Variants in MAST4 observed in about 807,000 individuals in gnomAD.
MAST4 encodes microtubule-associated serine/threonine-protein kinase 4.
In MAST4, 89 loss-of-function variants were observed where a neutral mutation model predicts 162.7. The observed-to-expected ratio is 0.55, with a 90% CI of 0.46 to 0.65. MAST4 has a LOEUF of 0.65. Ranked by LOEUF, MAST4 falls within the 30% of genes least tolerant of loss-of-function variation. MAST4 has a pLI of 0.00. For missense variants in MAST4, 3,153 were observed against 3,374.0 expected (o/e 0.93, Z 1.62); for synonymous variants, 1,479 against 1,361.1 (o/e 1.09, Z -1.91).
intron 3 of MAST4, among the ~76,000 whole-genome samples, chr5:66,866,774 C>G (rs539054539): frequency 6.6e-6 from 1 of 152,114 alleles, no homozygotes; most frequent in Non-Finnish European, 1.5e-5. Context: ...CTTTTGAGCC[C>G]GGGTCTCGCC....
chr5:67,054,321 T>G, intron 4 of MAST4, 83 bp from the exon 5 acceptor site: 1 of 1,144,770 alleles, frequency 8.7e-7, no homozygotes, highest in Non-Finnish European at 1.2e-6. Context: ...TTGCTCAACC[T>G]GGTCCATGTC....
At chr5:66,772,150 T>A (rs990795290) in intron 2 of MAST4, among the ~76,000 whole-genome samples, 2 of 152,114 alleles carry the variant, frequency 1.3e-5, no homozygotes, top group African/African-American at 4.8e-5. Flanking sequence ...AACTAGGAAA[T>A]CTCACACTTC....
intron 4 of MAST4, among the ~76,000 whole-genome samples, chr5:66,900,673 A>G (rs1762953040): frequency 6.6e-6 from 1 of 152,030 alleles, no homozygotes; most frequent in African/African-American, 2.4e-5. Context: ...TTTACATTTG[A>G]TGTCTGATTT....
intron 21 of MAST4, 65 bp downstream of exon 21, chr5:67,142,598 A>G: frequency 9.5e-7 from 1 of 1,055,648 alleles, no homozygotes; most frequent in South Asian, 1.4e-5. Flanking sequence ...GCCAGATAGT[A>G]TCCCCGAACA....
At chr5:66,621,807 A>T (rs899225813) in intron 1 of MAST4, among the ~76,000 whole-genome samples, 2 of 152,176 alleles carry the variant, frequency 1.3e-5, no homozygotes, top group Admixed American at 1.3e-4. Context: ...CATGGAGGGG[A>T]GGCAGATAAT....
At chr5:66,804,336 G>A (rs912034408) in intron 3 of MAST4, among the ~76,000 whole-genome samples, 4 of 152,192 alleles carry the variant, frequency 2.6e-5, no homozygotes, top group African/African-American at 4.8e-5. Context: ...CTGTGGGTCT[G>A]TGTGTTGGTT....
chr5:67,163,340 G>T lies in MAST4; in HGVS notation c.4161G>T (p.Pro1387=). The stretch of plus-strand genomic sequence containing the variant: ...TGGCCCGGACGCCCTCTCCAACCCC[G>T]CAACCCACCTCCCCGCAGCGGTCAC... ...SPLARTPSPT[P]QPTSPQRSPS... is the part of the protein sequence containing the mutation. The change falls in exon 29 of 29, where the codon CCG becomes CCT. Residue 1387 remains proline, a synonymous_variant. Transcript: ENST00000403625. The surrounding 1 kb of genome is among the most constrained non-coding windows in gnomAD (Gnocchi z 7.0). 1 of 1,612,532 alleles carries T rather than the reference G, an allele frequency of 6.2e-7. No individual in the cohort carries two copies.
At chr5:66,739,157 G>A (rs1173299622) in intron 1 of MAST4, among the ~76,000 whole-genome samples, 1 of 152,108 alleles carries the variant, frequency 6.6e-6, no homozygotes, top group African/African-American at 2.4e-5. Context: ...TGAATTTCCT[G>A]CTTTTTCCTA....
intron 5 of MAST4, among the ~76,000 whole-genome samples, chr5:67,063,124 C>T (rs1363046092): frequency 2.6e-5 from 4 of 151,910 alleles, no homozygotes; most frequent in Admixed American, 6.5e-5. Context: ...CTCTGCATTA[C>T]GGAGAATACC....
chr5:66,684,348 C>A lies in MAST4; in HGVS notation c.364-75361C>A, dbSNP rs1462268826. 1.6e-4 allele frequency among the ~76,000 whole-genome samples: 9 copies of A among 56,206 alleles called. No homozygotes were observed. The African/African-American group carries it at 1.8e-3, about 11-fold the overall frequency. 36.9% of individuals were successfully genotyped at this position (56,206 alleles called of 152,430 possible). On this transcript the variant is annotated intron_variant, in intron 1 of 28. Coordinates refer to ENST00000403625, the MANE Select transcript of MAST4 (RefSeq NM_001164664.2). ...GGAGGGAAAATGTAGTGCTTCTTTT[C>A]TTCCAGCTATTTTTTTTTCTCTTTT... is the stretch of plus-strand genomic sequence containing the variant.
At chr5:66,921,212 C>G (rs1764511315) in intron 4 of MAST4, among the ~76,000 whole-genome samples, 1 of 152,116 alleles carries the variant, frequency 6.6e-6, no homozygotes, top group African/African-American at 2.4e-5. Context: ...GTTAGAGCCC[C>G]TAAGTCTGAC....
chr5:67,126,316 G>T (rs1025116074), intron 14 of MAST4, among the ~76,000 whole-genome samples: 1 of 152,096 alleles, frequency 6.6e-6, no homozygotes, highest in Non-Finnish European at 1.5e-5. Context: ...TGAAGTCTTT[G>T]CCCATGCCTA....
At chr5:66,689,884 C>T (rs1427210657) in intron 1 of MAST4, among the ~76,000 whole-genome samples, 1 of 152,184 alleles carries the variant, frequency 6.6e-6, no homozygotes, top group Non-Finnish European at 1.5e-5. Flanking sequence ...GAGTATCCTA[C>T]TAAGCCTACT....
intron 4 of MAST4, chr5:66,931,098 A>G (rs1742145988): frequency 5.2e-6 from 1 of 193,190 alleles, no homozygotes; most frequent in Admixed American, 5.7e-5. Flanking sequence ...TAACAAGGCC[A>G]AGTCAGTTTC....
chr5:67,165,285 T>C lies in MAST4; in HGVS notation c.6106T>C (p.Trp2036Arg), dbSNP rs1773740119. The C allele has an allele frequency of 1.2e-6, 2 of 1,613,260 alleles. No individual in the cohort carries two copies. The highest frequency in any genetic ancestry group is 1.7e-6 in the Non-Finnish European group (2 of 1,179,864). ...ACAGACCCAGGCCATGGAGAAAGCA[T>C]GGGCGCCGGGTGGGAAAACGAACCA... ...YTQTQAMEKA[W>R]APGGKTNHKD... Residue 2036 changes from tryptophan (W) to arginine (R), a missense_variant, in exon 29 of 29, where the codon TGG becomes CGG. Coordinates refer to ENST00000403625, the MANE Select transcript of MAST4 (RefSeq NM_001164664.2).
At position 66,944,267 on chromosome 5, in the gene MAST4, C is replaced by T. The variant is rs375419424; in HGVS notation, c.674+44285C>T. 5.0e-4 allele frequency among the ~76,000 whole-genome samples: 76 copies of T among 152,202 alleles called. 2 individuals carry two copies. Among genetic ancestry groups the T allele is most frequent in the South Asian group, 3.7e-3 (18 of 4,830 alleles). On this transcript the variant is annotated intron_variant, in intron 4 of 28. Coordinates refer to ENST00000403625, the MANE Select transcript of MAST4 (RefSeq NM_001164664.2). Reference sequence around the variant, plus strand: ...TGAATTGCCTTATATGATAAACAAACGGGTTTGTAAAGTTGCTTCAAAGGT... The same window carrying T: ...TGAATTGCCTTATATGATAAACAAATGGGTTTGTAAAGTTGCTTCAAAGGT...
At chr5:66,791,529 A>T (rs1215902916) in intron 3 of MAST4, among the ~76,000 whole-genome samples, 1 of 152,208 alleles carries the variant, frequency 6.6e-6, no homozygotes, top group East Asian at 1.9e-4. Context: ...TTAAATTATT[A>T]GCTTGTTTAC....
intron 4 of MAST4, among the ~76,000 whole-genome samples, chr5:67,003,077 G>C (rs1404253894): frequency 6.7e-6 from 1 of 150,268 alleles, no homozygotes; most frequent in Non-Finnish European, 1.5e-5. Context: ...GGAGCACAGG[G>C]ACACTCTTTT....
chr5:66,678,707 A>G (rs909716688), intron 1 of MAST4, among the ~76,000 whole-genome samples: 5 of 151,480 alleles, frequency 3.3e-5, no homozygotes, highest in Admixed American at 2.0e-4. Context: ...GTTGGCCACA[A>G]TGGTCTCCAT....
Sources: allele counts gnomAD v4.1 joint callset (sites outside exome capture counted in the v4.1 genomes callset), GRCh38; gene constraint gnomAD v4.1.1; non-coding constraint Gnocchi (gnomAD v3.1); transcripts MANE v1.5; gene names NCBI Gene and HGNC (gene_info 2026-07-23, HGNC 2026-07-21).